Variants in INPP5A observed in about 807,000 individuals in gnomAD.
The protein encoded by INPP5A is 43 kDa inositol polyphosphate 5-phophatase.
A neutral mutation model predicts 65.2 loss-of-function variants in INPP5A; 14 were observed. The ratio of observed to expected loss-of-function variants is 0.21; its 90% CI spans 0.14 to 0.34. The LOEUF (loss-of-function observed/expected upper bound fraction) is 0.34. Among genes scored for constraint, INPP5A ranks in the 10% least tolerant of loss-of-function variants. The probability of loss-of-function intolerance (pLI) is 1.00; values close to 1 mark genes in which losing one functional copy is unlikely to be tolerated. For missense variants in INPP5A, 431 were observed against 545.6 expected (o/e 0.79, Z 2.09); for synonymous variants, 207 against 208.3 (o/e 0.99, Z 0.05).
chr10:132,626,510 C>T (rs895000558), intron 2 of INPP5A, among the ~76,000 whole-genome samples: 13 of 152,232 alleles, frequency 8.5e-5, no homozygotes, highest in Admixed American at 7.8e-4. Context: ...TGCCTTTCGG[C>T]TCCCTGACAC....
chr10:132,633,413 T>A (rs1217949875), intron 2 of INPP5A, among the ~76,000 whole-genome samples: 1 of 152,186 alleles, frequency 6.6e-6, no homozygotes, highest in Admixed American at 6.5e-5. Context: ...TTTCTCGCCT[T>A]GTGCAGTGAC....
chr10:132,669,677 C>A (rs1215130479), intron 4 of INPP5A, among the ~76,000 whole-genome samples: 3 of 152,178 alleles, frequency 2.0e-5, no homozygotes, highest in South Asian at 4.1e-4. Context: ...GGATGTGGGG[C>A]CTGCCTGTGC....
intron 2 of INPP5A, among the ~76,000 whole-genome samples, chr10:132,632,681 G>C (rs1450968615): frequency 6.6e-6 from 1 of 152,172 alleles, no homozygotes; most frequent in African/African-American, 2.4e-5. Context: ...GTGAAATGCA[G>C]CCATTATTAA....
chr10:132,556,726 G>C (rs2071131842), intron 1 of INPP5A, among the ~76,000 whole-genome samples: 1 of 151,886 alleles, frequency 6.6e-6, no homozygotes, highest in African/African-American at 2.4e-5. Flanking sequence ...AATGGCATCT[G>C]TTATAATTTA....
At chr10:132,690,506 T>C (rs375369263) in intron 5 of INPP5A, 51 bp downstream of exon 5, 4 of 1,387,536 alleles carry the variant, frequency 2.9e-6, no homozygotes, top group African/African-American at 1.4e-5. Context: ...TCACCCCTCC[T>C]GGTGTCTGGC....
chr10:132,699,164 C>A (rs1039960718), intron 6 of INPP5A, among the ~76,000 whole-genome samples: 8 of 152,180 alleles, frequency 5.3e-5, no homozygotes, highest in Non-Finnish European at 1.0e-4. Flanking sequence ...CTGAAGGGGC[C>A]ACCTGTGGTG....
intron 1 of INPP5A, among the ~76,000 whole-genome samples, chr10:132,548,660 C>A (rs964812971): frequency 6.6e-6 from 1 of 152,222 alleles, no homozygotes; most frequent in Non-Finnish European, 1.5e-5. Context: ...CCGCCAGTTT[C>A]GCCTGCGCCG....
intron 4 of INPP5A, among the ~76,000 whole-genome samples, chr10:132,662,105 A>T (rs1319250490): frequency 6.6e-6 from 1 of 152,224 alleles, no homozygotes; most frequent in Non-Finnish European, 1.5e-5. Context: ...TGACACCAAA[A>T]GCAGAAACCA....
At chr10:132,636,163 ATGTGTGTGTG>A (rs59663030) in intron 2 of INPP5A, among the ~76,000 whole-genome samples, 3 of 149,614 alleles carry the variant, frequency 2.0e-5, no homozygotes, top group Non-Finnish European at 3.0e-5. Flanking sequence ...GATAAACAAA[ATGTGTGTGTG>A]TGTGTGTGTG....
intron 9 of INPP5A, among the ~76,000 whole-genome samples, chr10:132,732,878 C>T (rs1467040723): frequency 6.6e-6 from 1 of 152,148 alleles, no homozygotes; most frequent in Non-Finnish European, 1.5e-5. Context: ...TGGATCCCTC[C>T]CGCGCAGAGT....
At chr10:132,558,605 C>T (rs544119315) in intron 1 of INPP5A, among the ~76,000 whole-genome samples, 112 of 152,324 alleles carry the variant, frequency 7.4e-4, no homozygotes, top group African/African-American at 2.6e-3. Flanking sequence ...CTGCAGCTGC[C>T]GATGAGGAGC....
chr10:132,621,493 G>A (rs768695425), intron 2 of INPP5A, among the ~76,000 whole-genome samples: 4 of 152,206 alleles, frequency 2.6e-5, no homozygotes, highest in South Asian at 2.1e-4. Flanking sequence ...GTTCTGGAAA[G>A]GTGGTACCGC....
chr10:132,570,372 C>T (rs2071326287), intron 1 of INPP5A, among the ~76,000 whole-genome samples: 1 of 152,238 alleles, frequency 6.6e-6, no homozygotes, highest in African/African-American at 2.4e-5. Context: ...TCGTATCCAT[C>T]AGTTTCATCT....
At chr10:132,730,549 G>GT (rs1846066306) in intron 9 of INPP5A, among the ~76,000 whole-genome samples, 1 of 152,236 alleles carries the variant, frequency 6.6e-6, no homozygotes, top group South Asian at 2.1e-4. Context: ...CAGCTCCTGC[G>GT]TGCAGCTTGT....
intron 9 of INPP5A, among the ~76,000 whole-genome samples, chr10:132,728,471 C>T (rs533588589): frequency 2.6e-5 from 4 of 152,324 alleles, no homozygotes; most frequent in Admixed American, 6.5e-5. Flanking sequence ...GCCACAGAGG[C>T]GGGGCCCTGT....
intron 2 of INPP5A, among the ~76,000 whole-genome samples, chr10:132,629,653 C>T (rs951523198): frequency 6.6e-6 from 1 of 152,254 alleles, no homozygotes; most frequent in African/African-American, 2.4e-5. Context: ...CTGCATTGTG[C>T]GGACAGCCCT....
chr10:132,727,006 C>A lies in INPP5A; in HGVS notation c.732+101C>A. On this transcript the variant is annotated intron_variant, in intron 9 of 15. Coordinates refer to ENST00000368594, the MANE Select transcript of INPP5A (RefSeq NM_005539.5). This position sits in a 1 kb window ranked among gnomAD's most constrained non-coding sequence, Gnocchi z 6.5. The stretch of plus-strand genomic sequence containing the variant: ...CCCTTACTGGCACTTTCAATGCCAT[C>A]CGCCTCCCGGGATGCACTTTTTAAG... The A allele has an allele frequency of 1.4e-6, 1 of 720,072 alleles. No homozygotes were observed. Among genetic ancestry groups the A allele is most frequent in the South Asian group, 2.3e-5 (1 of 44,142 alleles). The allele number at this position is 720,072 out of a possible 1,614,324, so 44.6% of individuals were successfully genotyped here.
intron 13 of INPP5A, among the ~76,000 whole-genome samples, chr10:132,778,395 C>G (rs1333418703): frequency 2.1e-5 from 3 of 145,386 alleles, no homozygotes; most frequent in African/African-American, 7.7e-5. Flanking sequence ...TTCCTGGGCT[C>G]CAGCATTCCA....
At chr10:132,617,830 G>A (rs185062219) in intron 2 of INPP5A, among the ~76,000 whole-genome samples, 16 of 152,334 alleles carry the variant, frequency 1.1e-4, no homozygotes, top group East Asian at 3.9e-4. Context: ...GTTTGCCTGC[G>A]TGGCTGTGGG....
Sources: gnomAD v4.1 joint callset for allele counts (sites outside exome capture counted in the v4.1 genomes callset) on GRCh38, gnomAD v4.1.1 for gene constraint, Gnocchi (gnomAD v3.1) non-coding constraint, MANE v1.5 for transcripts, NCBI Gene and HGNC (gene_info 2026-07-23, HGNC 2026-07-21) for gene names.